The following ELMOD1 variants were observed in gnomAD, a reference collection of about 807,000 sequenced individuals.
The protein encoded by ELMOD1 is ELMO domain-containing protein 1.
Under a neutral mutation model 46.7 loss-of-function variants are expected in ELMOD1, and 21 were observed. That is an observed-to-expected ratio of 0.45 (90% CI 0.32 to 0.65). The LOEUF (loss-of-function observed/expected upper bound fraction) is 0.65. Among genes scored for constraint, ELMOD1 ranks in the 30% least tolerant of loss-of-function variants. The pLI is 0.04. For missense variants in ELMOD1, 348 were observed against 407.8 expected (o/e 0.85, Z 1.26); for synonymous variants, 122 against 138.2 (o/e 0.88, Z 0.82).
intron 1 of ELMOD1, among the ~76,000 whole-genome samples, chr11:107,608,356 T>TA (rs5794561): frequency 0.61 from 91,984 of 151,180 alleles, 28,784 homozygotes; most frequent in East Asian, 0.8. Flanking sequence ...TATGTATCTT[T>TA]AAAAAAAAAC....
chr11:107,609,791 C>T (rs1865745939), intron 1 of ELMOD1, among the ~76,000 whole-genome samples: 1 of 152,186 alleles, frequency 6.6e-6, no homozygotes, highest in Non-Finnish European at 1.5e-5. Flanking sequence ...ATGACAAGCA[C>T]AATCATTTGA....
chr11:107,645,910 A>G (rs758358848), intron 6 of ELMOD1, among the ~76,000 whole-genome samples: 1 of 152,204 alleles, frequency 6.6e-6, no homozygotes, highest in South Asian at 2.1e-4. Context: ...ATTGAATATT[A>G]TGTTTTACAC....
chr11:107,640,351 T>C (rs1291379901), intron 6 of ELMOD1, among the ~76,000 whole-genome samples: 1 of 152,218 alleles, frequency 6.6e-6, no homozygotes, highest in Non-Finnish European at 1.5e-5. Flanking sequence ...TTCCCATTGG[T>C]TTACAATACC....
chr11:107,653,031 A>C (rs1206154562), intron 9 of ELMOD1, among the ~76,000 whole-genome samples: 1 of 152,212 alleles, frequency 6.6e-6, no homozygotes, highest in Non-Finnish European at 1.5e-5. Flanking sequence ...ATATATAGGA[A>C]TTTATAAGTG....
chr11:107,626,934 T>G (rs1160768566), intron 2 of ELMOD1, among the ~76,000 whole-genome samples: 1 of 152,182 alleles, frequency 6.6e-6, no homozygotes, highest in African/African-American at 2.4e-5. Flanking sequence ...CATGGAGGTT[T>G]TGAGGAGTTG....
intron 6 of ELMOD1, among the ~76,000 whole-genome samples, chr11:107,647,013 C>G (rs1394280692): frequency 6.6e-6 from 1 of 151,746 alleles, no homozygotes; most frequent in Non-Finnish European, 1.5e-5. Flanking sequence ...ATCTAATTTC[C>G]TATTCAAAAT....
chr11:107,616,839 G>A (rs1183859901), intron 1 of ELMOD1, among the ~76,000 whole-genome samples: 1 of 152,158 alleles, frequency 6.6e-6, no homozygotes, highest in East Asian at 1.9e-4. Context: ...ACCTTGCCCT[G>A]ACCCAGCTTT....
At chr11:107,620,541 A>T (rs1200485384) in intron 2 of ELMOD1, 4 of 152,246 alleles carry the variant, frequency 2.6e-5, no homozygotes, top group Non-Finnish European at 5.9e-5. Flanking sequence ...TCCCCAGACC[A>T]TCCAGTCTGA....
chr11:107,630,618 G>C, intron 3 of ELMOD1, 56 bp downstream of exon 3: 2 of 1,601,928 alleles, frequency 1.2e-6, no homozygotes, highest in Non-Finnish European at 1.7e-6. Flanking sequence ...TGGAAGATAC[G>C]ATGTTGTCTT....
intron 5 of ELMOD1, among the ~76,000 whole-genome samples, chr11:107,635,227 G>C (rs1424891260): frequency 1.3e-5 from 2 of 152,104 alleles, no homozygotes; most frequent in Non-Finnish European, 1.5e-5. Flanking sequence ...TAAGAGCCCA[G>C]TATTACCTAT....
At chr11:107,653,816 C>A in intron 9 of ELMOD1, 1 of 176,138 alleles carries the variant, frequency 5.7e-6, no homozygotes, top group Non-Finnish European at 1.2e-5. Context: ...TAGGTAAAAC[C>A]AAACAAAATG....
chr11:107,612,956 T>C (rs1263020239), intron 1 of ELMOD1, among the ~76,000 whole-genome samples: 1 of 152,192 alleles, frequency 6.6e-6, no homozygotes, highest in Non-Finnish European at 1.5e-5. Context: ...TATCTTTGTT[T>C]CCTGTTTGGG....
chr11:107,597,591 T>C (rs1448548562), intron 1 of ELMOD1, among the ~76,000 whole-genome samples: 1 of 152,156 alleles, frequency 6.6e-6, no homozygotes, highest in Non-Finnish European at 1.5e-5. Flanking sequence ...TATCCTGCAG[T>C]TTAAATTGAG....
chr11:107,662,624 CA>C (rs1290973673), intron 11 of ELMOD1, among the ~76,000 whole-genome samples: 4 of 144,326 alleles, frequency 2.8e-5, no homozygotes, highest in African/African-American at 5.2e-5. Context: ...AAAAAAACAA[CA>C]AAAAAAAACT....
intron 11 of ELMOD1, 58 bp from the exon 12 acceptor site, chr11:107,664,967 A>C: frequency 1.3e-6 from 2 of 1,495,128 alleles, no homozygotes; most frequent in Non-Finnish European, 1.8e-6. Context: ...AATGATTTTG[A>C]ATGTGATTAA....
intron 11 of ELMOD1, among the ~76,000 whole-genome samples, chr11:107,659,905 A>G (rs1866704006): frequency 6.6e-6 from 1 of 152,086 alleles, no homozygotes; most frequent in African/African-American, 2.4e-5. Flanking sequence ...CTACAAAAGA[A>G]AAAAGTATTA....
intron 10 of ELMOD1, 85 bp downstream of exon 10, chr11:107,654,307 A>G (rs984560310): frequency 1.3e-5 from 15 of 1,152,972 alleles, no homozygotes; most frequent in Middle Eastern, 3.8e-4. Flanking sequence ...GACAAGGGTG[A>G]AACTCTACTT....
Position 107,635,641 on chromosome 11 carries a change from G to T in ELMOD1, c.296G>T (p.Gly99Val). Residue 99 changes from glycine (G) to valine (V), a missense_variant, in exon 6 of 12, where the codon GGA (glycine) becomes GTA (valine). Transcript: ENST00000265840. ...TCTGTTTTTGAACACCCTAGGCTGG[G>T]AATCTCTCTTCAGGCTTGCCTTCTG... ...KINPDVNPQL[G>V]ISLQACLLQI... The T allele has an allele frequency of 6.2e-7, 1 of 1,613,106 alleles. No homozygotes were observed. The highest frequency in any genetic ancestry group is 1.3e-5 in the African/African-American group (1 of 75,002).
intron 1 of ELMOD1, among the ~76,000 whole-genome samples, chr11:107,599,756 A>G (rs1435192549): frequency 8.8e-6 from 1 of 113,356 alleles, no homozygotes; most frequent in African/African-American, 4.5e-5. Context: ...AAAAAAGAAA[A>G]AAAGAAAAGA....
Sources: allele counts gnomAD v4.1 joint callset (sites outside exome capture counted in the v4.1 genomes callset), GRCh38; gene constraint gnomAD v4.1.1; transcripts MANE v1.5; gene names NCBI Gene and HGNC (gene_info 2026-07-23, HGNC 2026-07-21).